The following RBM10 variants were observed in gnomAD, a reference collection of about 807,000 sequenced individuals.
RBM10 encodes RNA-binding protein 10.
Under a neutral mutation model 84.9 loss-of-function variants are expected in RBM10, and 1 was observed. That is an observed-to-expected ratio of 0.01 (90% CI 0.00 to 0.06). The LOEUF is 0.06. Among genes scored for constraint, RBM10 ranks in the 10% least tolerant of loss-of-function variants. The probability of loss-of-function intolerance (pLI) is 1.00; values close to 1 mark genes in which losing one functional copy is unlikely to be tolerated. For missense variants in RBM10, 438 were observed against 839.0 expected, an observed-to-expected ratio of 0.52 and a Z score of 5.90; for synonymous variants, 326 against 344.5, an observed-to-expected ratio of 0.95 and a Z score of 0.60.
At chrX:47,159,396 G>A (rs782249303) in intron 2 of RBM10, among the ~76,000 whole-genome samples, 3 of 90,293 alleles carry the variant, frequency 3.3e-5, no homozygotes, top group African/African-American at 1.3e-4. Context: ...CAACAAGAGC[G>A]AAACTCCGTC....
intron 2 of RBM10, among the ~76,000 whole-genome samples, chrX:47,158,923 A>G (rs1569174935): frequency 8.9e-6 from 1 of 112,691 alleles, no homozygotes; most frequent in Non-Finnish European, 1.9e-5. Flanking sequence ...AACATGCAGT[A>G]CTTGGTTTTC....
At chrX:47,148,307 T>G (rs782137736) in intron 2 of RBM10, among the ~76,000 whole-genome samples, 1 of 112,483 alleles carries the variant, frequency 8.9e-6, no homozygotes, top group Admixed American at 9.4e-5. Flanking sequence ...AGAAATGTTT[T>G]TTGAAAGACA....
At position 47,145,298 on chromosome X, in the gene RBM10, A is replaced by G; in HGVS notation, c.-313A>G. On this transcript the variant is annotated 5_prime_UTR_variant, in exon 1 of 24. Transcript: ENST00000377604. ...GAGCTGGTGACTGTGGCCGGCTGGGAGTAGGCGGCAGTGAGTTTCCCTGGG... is the reference window on the plus strand; with the variant it reads ...GAGCTGGTGACTGTGGCCGGCTGGGGGTAGGCGGCAGTGAGTTTCCCTGGG... 1 of 604,115 alleles carries G rather than the reference A, an allele frequency of 1.7e-6. No individual in the cohort carries two copies. The highest frequency in any genetic ancestry group is 2.7e-6 in the Non-Finnish European group (1 of 373,621). 49.8% of individuals were successfully genotyped at this position (604,115 alleles called of 1,213,427 possible).
chrX:47,175,112 A>AGGGG lies in RBM10; in HGVS notation c.576+20_576+21insGGGG. 1.1e-6 allele frequency: 1 copy of AGGGG among 931,932 alleles called. No individual in the cohort carries two copies. The highest frequency in any genetic ancestry group is 1.4e-6 in the Non-Finnish European group (1 of 693,708). 76.8% of individuals were successfully genotyped at this position (931,932 alleles called of 1,213,427 possible). A position where few individuals can be genotyped will look rare whatever the true frequency, so the allele number is the denominator to read the frequency against. ...AATCAGGTTGCTTTGCCGCACTTGAACCCCCCCCCAAACAAATACTACTTT... is the reference window on the plus strand; with the variant it reads ...AATCAGGTTGCTTTGCCGCACTTGAAGGGGCCCCCCCCCAAACAAATACTACTTT... On this transcript the variant is annotated intron_variant, in intron 6 of 23. Coordinates refer to ENST00000377604, the MANE Select transcript of RBM10 (RefSeq NM_005676.5).
intron 6 of RBM10, among the ~76,000 whole-genome samples, chrX:47,175,647 C>T (rs782590030): frequency 1.8e-5 from 2 of 111,341 alleles, no homozygotes; most frequent in South Asian, 3.9e-4. Context: ...ATAGTTTTAT[C>T]GACACCCTGG....
At chrX:47,176,082 C>T (rs1480981440) in intron 6 of RBM10, among the ~76,000 whole-genome samples, 3 of 112,735 alleles carry the variant, frequency 2.7e-5, no homozygotes, top group Non-Finnish European at 5.6e-5. Flanking sequence ...CCAGCACTAG[C>T]GCACCTGCGC....
At chrX:47,157,636 C>T (rs1159071901) in intron 2 of RBM10, 5 of 500,472 alleles carry the variant, frequency 1.0e-5, no homozygotes, top group Admixed American at 5.3e-5. Context: ...GGGTGGGCAT[C>T]GATGTAGTCC....
At position 47,147,359 on chromosome X, in the gene RBM10, T is replaced by G; in HGVS notation, c.-123T>G. ...TTTCTTCCCTCCACTCTCCCCAGAGTCCCTGCAGGAAGCATCACCCAGGCT... is the reference window on the plus strand; with the variant it reads ...TTTCTTCCCTCCACTCTCCCCAGAGGCCCTGCAGGAAGCATCACCCAGGCT... On this transcript the variant is annotated splice_region_variant and 5_prime_UTR_variant, in exon 2 of 24. Transcript: ENST00000377604. 1 of 1,194,822 alleles carries G rather than the reference T, an allele frequency of 8.4e-7. No individual in the cohort carries two copies. The highest frequency in any genetic ancestry group is 1.1e-6 in the Non-Finnish European group (1 of 886,683).
intron 2 of RBM10, chrX:47,157,263 A>G (rs1933235214): frequency 3.2e-6 from 1 of 316,967 alleles, no homozygotes; most frequent in Admixed American, 3.5e-5. Flanking sequence ...GGGCCTCTGG[A>G]CCACGGTGTA....
At chrX:47,159,072 A>G (rs1298731946) in intron 2 of RBM10, among the ~76,000 whole-genome samples, 1 of 111,789 alleles carries the variant, frequency 8.9e-6, no homozygotes, top group Non-Finnish European at 1.9e-5. Context: ...CCTGTCCACT[A>G]TTGATGGGCA....
chrX:47,146,345 C>T (rs1163833913), intron 1 of RBM10, among the ~76,000 whole-genome samples: 1 of 111,587 alleles, frequency 9.0e-6, no homozygotes, highest in African/African-American at 3.3e-5. Context: ...GCAGGTAACT[C>T]GGGTTCCCTG....
chrX:47,160,686 C>T (rs782714707), intron 2 of RBM10, among the ~76,000 whole-genome samples: 3 of 110,881 alleles, frequency 2.7e-5, no homozygotes, highest in Non-Finnish European at 3.8e-5. Context: ...AAAGCAGTTT[C>T]GAGATTTTTT....
chrX:47,167,467 G>A (rs1176659434), intron 2 of RBM10, among the ~76,000 whole-genome samples: 3 of 106,776 alleles, frequency 2.8e-5, no homozygotes, highest in Non-Finnish European at 5.8e-5. Flanking sequence ...GGGTTCAAGC[G>A]ATTCTCCTGC....
In RBM10 at chrX:47,186,604, C is replaced by T. The variant is rs1935936344; in HGVS notation, c.*5C>T. The T allele has an allele frequency of 8.3e-7, 1 of 1,211,645 alleles. No individual in the cohort carries two copies. Among genetic ancestry groups the T allele is most frequent in the African/African-American group, 1.7e-5 (1 of 57,874 alleles). On this transcript the variant is annotated 3_prime_UTR_variant, in exon 24 of 24. Transcript: ENST00000377604. ...CGCTTCAACGAGGCCCAGTGAGCAGCTTCAAGAGCAACTTCTCCACATGTT... is the reference window on the plus strand; with the variant it reads ...CGCTTCAACGAGGCCCAGTGAGCAGTTTCAAGAGCAACTTCTCCACATGTT...
At chrX:47,180,168 C>T (rs2147175979) in intron 10 of RBM10, 44 bp from the exon 11 acceptor site, 3 of 1,176,922 alleles carry the variant, frequency 2.5e-6, no homozygotes, top group Non-Finnish European at 3.4e-6. Flanking sequence ...CCGGGGGCCT[C>T]CCCGGGCCTG....
intron 6 of RBM10, among the ~76,000 whole-genome samples, chrX:47,175,474 C>T (rs1370045424): frequency 2.7e-5 from 3 of 111,038 alleles, no homozygotes; most frequent in Non-Finnish European, 5.7e-5. Flanking sequence ...CTCATTCCAC[C>T]CTCAGGACCA....
intron 2 of RBM10, among the ~76,000 whole-genome samples, chrX:47,163,597 G>A (rs1449080358): frequency 8.9e-6 from 1 of 111,746 alleles, no homozygotes; most frequent in East Asian, 2.8e-4. Flanking sequence ...TGGAATTACA[G>A]GTGTGAGCCC....
intron 2 of RBM10, among the ~76,000 whole-genome samples, chrX:47,153,073 C>T (rs781823687): frequency 1.8e-5 from 2 of 110,057 alleles, no homozygotes; most frequent in South Asian, 3.8e-4. Flanking sequence ...TTCAAACTCC[C>T]GACCTCAGGT....
intron 2 of RBM10, chrX:47,156,775 C>G (rs1556765307): frequency 1.2e-5 from 2 of 166,843 alleles, no homozygotes; most frequent in Admixed American, 1.6e-4. Context: ...TTCCAGGGTG[C>G]ATCCTGGCCC....
Sources: allele counts gnomAD v4.1 joint callset (sites outside exome capture counted in the v4.1 genomes callset), GRCh38; gene constraint gnomAD v4.1.1; transcripts MANE v1.5; gene names NCBI Gene and HGNC (gene_info 2026-07-23, HGNC 2026-07-21).